DSPP: variants seen among roughly 807,000 people sequenced by gnomAD.
DSPP encodes the protein deafness, autosomal dominant 39.
DSPP carries 28 observed loss-of-function variants against 29.1 expected under a neutral mutation model. The ratio of observed to expected loss-of-function variants is 0.96; its 90% CI spans 0.71 to 1.32. DSPP has a LOEUF of 1.32. Ranked by LOEUF, DSPP falls within the 40% of genes most tolerant of loss-of-function variation. The pLI, the probability that DSPP is intolerant of heterozygous loss-of-function variation, is 0.00. For synonymous variants in DSPP, 481 were observed against 503.4 expected (o/e 0.96, Z 0.60); for missense variants, 1,281 against 1,629.9 (o/e 0.79, Z 3.69).
Position 87,614,037 on chromosome 4 carries a change from T to G in DSPP, c.1375T>G (p.Ser459Ala), listed in dbSNP as rs1727797707. ...TGACAGTTATGATTTTGATGATAAG[T>G]CCATGCAAGGAGATGATCCCAATAG... ...GYDSYDFDDK[S>A]MQGDDPNSSD... The change falls in exon 5 of 5, where the codon TCC becomes GCC. Residue 459 changes from serine (S) to alanine (A), a missense_variant. Around this residue, in one of 4 missense-constraint regions of DSPP, gnomAD observed 631 missense variants for 643.2 expected, o/e 0.98. Transcript: ENST00000651931. 3 of 1,614,188 alleles carry G rather than the reference T, an allele frequency of 1.9e-6. No homozygotes were observed. In the East Asian group the frequency reaches 6.7e-5, roughly 36 times the overall value.
rs201659235 is a variant in DSPP at position 87,616,197 on chromosome 4, A to G, written c.3535A>G (p.Asn1179Asp). ...SDSSDSSDSSNSSDSSDSSDS... is the reference protein window; with the variant it reads ...SDSSDSSDSSDSSDSSDSSDS... ...CAGCAGCGATAGCAGTGACAGCAGCAATAGCAGTGATAGCAGCGACAGCAG... is the reference window on the plus strand; with the variant it reads ...CAGCAGCGATAGCAGTGACAGCAGCGATAGCAGTGATAGCAGCGACAGCAG... Residue 1179 changes from asparagine to aspartate, a missense_variant, in exon 5 of 5, where the codon AAT becomes GAT. Asn to Asp is a conservative substitution (Grantham distance 23, BLOSUM62 1). Transcript: ENST00000651931. The G allele has an allele frequency of 1.0e-3, 1,487 of 1,419,682 alleles. 61 individuals carry two copies. Among genetic ancestry groups the G allele is most frequent in the African/African-American group, 7.9e-3 (426 of 54,098 alleles). 87.9% of individuals were successfully genotyped at this position (1,419,682 alleles called of 1,614,324 possible). A position where few individuals can be genotyped will look rare whatever the true frequency, so the allele number is the denominator to read the frequency against.
chr4:87,609,863 G>A (rs1441109616), intron 1 of DSPP, among the ~76,000 whole-genome samples: 1 of 152,250 alleles, frequency 6.6e-6, no homozygotes, highest in East Asian at 1.9e-4. Context: ...ATTATAAAAT[G>A]TCTATTCCAA....
intron 3 of DSPP, 35 bp downstream of exon 3, chr4:87,612,223 T>C (rs758992859): frequency 2.5e-6 from 4 of 1,612,826 alleles, no homozygotes; most frequent in Non-Finnish European, 3.4e-6. Context: ...TTATTTCCTA[T>C]TTCTGAGTTG....
At chr4:87,611,423 T>C (rs1391702217) in intron 2 of DSPP, among the ~76,000 whole-genome samples, 1 of 152,084 alleles carries the variant, frequency 6.6e-6, no homozygotes, top group Non-Finnish European at 1.5e-5. Flanking sequence ...TTTCAACATA[T>C]AGGAGACTAA....
rs570093430 is a variant in DSPP, at chr4:87,614,693, CAGCAGT to C, written c.2038_2043del (p.Ser680_Ser681del). On this transcript the variant is annotated inframe_deletion, in exon 5 of 5. Coordinates refer to ENST00000651931, the MANE Select transcript of DSPP (RefSeq NM_014208.3). ...GTGACAGCAGTGATAGCAGTGACAG[CAGCAGT>C]AGCAGTGACAGCAGCAACAGCAGTG... 2,219 of 1,544,674 alleles carry C rather than the reference CAGCAGT, an allele frequency of 1.4e-3. 27 individuals carry two copies. In the African/African-American group the frequency reaches 0.027, roughly 19 times the overall value.
rs1393944519 is a variant in DSPP at position 87,616,305 on chromosome 4, G to A, written c.3643G>A (p.Asp1215Asn). The change falls in exon 5 of 5, where the codon GAC becomes AAC. Residue 1215 changes from aspartate (D) to asparagine (N), a missense_variant. This residue lies in a region of DSPP where 134 missense variants were observed against 185.0 expected (regional missense o/e 0.72). Coordinates refer to ENST00000651931, the MANE Select transcript of DSPP (RefSeq NM_014208.3). ...SDSSDSSDSS[D>N]SSDSSDSSDS... is the part of the protein sequence containing the mutation. ...TAGCAGTGACAGCAGTGACAGCAGC[G>A]ACAGCAGTGACAGCAGCGACAGCAG... The A allele has an allele frequency of 3.6e-5, 54 of 1,499,402 alleles. No homozygotes were observed. The highest frequency in any genetic ancestry group is 8.4e-5 in the Admixed American group (4 of 47,834). 92.9% of individuals were successfully genotyped at this position (1,499,402 alleles called of 1,614,324 possible).
In DSPP at chr4:87,614,124, C is replaced by T. The variant is rs770036525; in HGVS notation, c.1462C>T (p.Arg488Ter). 10 of 1,614,072 alleles carry T rather than the reference C, an allele frequency of 6.2e-6. No individual in the cohort carries two copies. Among genetic ancestry groups the T allele is most frequent in the Non-Finnish European group, 5.9e-6 (7 of 1,180,002 alleles). Residue 488 changes from arginine (R) to a stop codon, truncating the protein, a stop_gained, in exon 5 of 5, where the codon CGA (arginine) becomes TGA (stop). Coordinates refer to ENST00000651931, the MANE Select transcript of DSPP (RefSeq NM_014208.3). LOFTEE classifies it low-confidence loss of function (END_TRUNC). ...AGAAAGTGACAATAACAGCAGTAGC[C>T]GAGGAGATGCTTCTTATAACTCTGA... ...NSESDNNSSS[R>*]GDASYNSDES...
In DSPP at chr4:87,612,207, T is replaced by G. The variant is rs1219887143; in HGVS notation, c.135+19T>G. The G allele has an allele frequency of 1.9e-6, 3 of 1,613,406 alleles. No individual in the cohort carries two copies. The highest frequency in any genetic ancestry group is 1.7e-6 in the Non-Finnish European group (2 of 1,179,564). On this transcript the variant is annotated intron_variant, in intron 3 of 4. Transcript: ENST00000651931. ...AGTACAGGTATAGGATGTAATATAT[T>G]TCATTTTATTTCCTATTTCTGAGTT...
At chr4:87,611,000 CT>C in intron 2 of DSPP, 41 bp downstream of exon 2, 1 of 1,537,886 alleles carries the variant, frequency 6.5e-7, no homozygotes, top group Non-Finnish European at 9.0e-7. Context: ...ACTTTGTTAT[CT>C]TTTTTAACCT....
intron 2 of DSPP, 72 bp downstream of exon 2, chr4:87,611,031 G>GTGTA: frequency 5.8e-6 from 2 of 345,368 alleles, no homozygotes; most frequent in South Asian, 6.2e-5. Flanking sequence ...ACAAAATGTA[G>GTGTA]TGTGTGTGTG....
chr4:87,614,203 A>G lies in DSPP; in HGVS notation c.1541A>G (p.Asp514Gly). The change falls in exon 5 of 5, where the codon GAC (aspartate) becomes GGC (glycine). Residue 514 changes from aspartate to glycine, a missense_variant. Around this residue, in one of 4 missense-constraint regions of DSPP, gnomAD observed 631 missense variants for 643.2 expected, o/e 0.98. Coordinates refer to ENST00000651931, the MANE Select transcript of DSPP (RefSeq NM_014208.3). ...GSDSKGAEDD[D>G]SDSTSDTNNS... Reference sequence around the variant, plus strand: ...GACTCAAAAGGAGCAGAAGATGATGACAGTGATAGCACATCAGACACTAAT... The same window carrying G: ...GACTCAAAAGGAGCAGAAGATGATGGCAGTGATAGCACATCAGACACTAAT... 1 of 1,614,256 alleles carries G rather than the reference A, an allele frequency of 6.2e-7. No homozygotes were observed. The highest frequency in any genetic ancestry group is 1.1e-5 in the South Asian group (1 of 91,090).
chr4:87,612,911 C>A lies in DSPP; in HGVS notation c.725C>A (p.Ser242Tyr). ...GGAGAAGATGCTGGCCTGGATAATT[C>A]CGATGGGAGTCCTAGTGGGAATGGA... ...GTGEDAGLDNSDGSPSGNGAD... is the reference protein window; with the variant it reads ...GTGEDAGLDNYDGSPSGNGAD... Residue 242 changes from serine (S) to tyrosine (Y), a missense_variant, in exon 4 of 5, where the codon TCC (serine) becomes TAC (tyrosine). By Grantham distance (144) the Ser-to-Tyr change is moderately radical. Around this residue, in one of 4 missense-constraint regions of DSPP, gnomAD observed 631 missense variants for 643.2 expected, o/e 0.98. Transcript: ENST00000651931. The A allele has an allele frequency of 6.2e-7, 1 of 1,614,000 alleles. No homozygotes were observed. Among genetic ancestry groups the A allele is most frequent in the Non-Finnish European group, 8.5e-7 (1 of 1,180,004 alleles).
At position 87,616,581 on chromosome 4, in the gene DSPP, A is replaced by G. The variant is rs767221804; in HGVS notation, c.*13A>G. ...CAGTGATGATTAGAACAAAAGAAAA[A>G]CCCGTAAGATTCCTTTTGTGAAAAG... On this transcript the variant is annotated 3_prime_UTR_variant, in exon 5 of 5. Transcript: ENST00000651931. 3 of 1,551,740 alleles carry G rather than the reference A, an allele frequency of 1.9e-6. No homozygotes were observed. In the South Asian group the frequency reaches 3.6e-5, roughly 18 times the overall value.
Position 87,616,497 on chromosome 4 carries a change from A to T in DSPP, c.3835A>T (p.Asn1279Tyr). ...CAGCCAGAGCAAGTCTGGTAACGGT[A>T]ACAACAATGGAAGTGACAGTGACAG... ...SDSQSKSGNGNNNGSDSDSDS... is the reference protein window; with the variant it reads ...SDSQSKSGNGYNNGSDSDSDS... The change falls in exon 5 of 5, where the codon AAC becomes TAC. Residue 1279 changes from asparagine (N) to tyrosine (Y), a missense_variant. This residue lies in a region of DSPP where 134 missense variants were observed against 185.0 expected (regional missense o/e 0.72). Transcript: ENST00000651931. 6.4e-7 allele frequency: 1 copy of T among 1,551,794 alleles called. No individual in the cohort carries two copies. The highest frequency in any genetic ancestry group is 8.7e-7 in the Non-Finnish European group (1 of 1,147,000).
Position 87,613,990 on chromosome 4 carries a change from G to T in DSPP, c.1328G>T (p.Ser443Ile). The stretch of plus-strand genomic sequence containing the variant: ...AAAGTTGGACACAGCAATACAGGTA[G>T]TGACAGCAATAGTGATGGATATGAC... Reference protein sequence around the residue: ...GNKVGHSNTGSDSNSDGYDSY... With the variant: ...GNKVGHSNTGIDSNSDGYDSY... The change falls in exon 5 of 5, where the codon AGT becomes ATT. Residue 443 changes from serine (S) to isoleucine (I), a missense_variant. Physicochemically the swap from Ser to Ile is moderately radical, Grantham distance 142 (BLOSUM62 -2). Around this residue, in one of 4 missense-constraint regions of DSPP, gnomAD observed 631 missense variants for 643.2 expected, o/e 0.98. Transcript: ENST00000651931. 6.2e-7 allele frequency: 1 copy of T among 1,614,232 alleles called. No individual in the cohort carries two copies. The highest frequency in any genetic ancestry group is 1.1e-5 in the South Asian group (1 of 91,088).
rs1387687045 is a variant in DSPP at position 87,614,921 on chromosome 4, T to C, written c.2259T>C (p.Ser753=). The C allele has an allele frequency of 2.6e-6, 4 of 1,546,708 alleles. No individual in the cohort carries two copies. The highest frequency in any genetic ancestry group is 3.5e-6 in the Non-Finnish European group (4 of 1,145,550). ...SSDSSDSSNS[S]DSSDSSDSSN... is the part of the protein sequence containing the mutation. ...ATAGCAGTGACAGCAGCAACAGCAG[T>C]GACAGTAGCGATAGCAGTGACAGCA... Residue 753 remains serine, a synonymous_variant, in exon 5 of 5, where the codon AGT becomes AGC. Transcript: ENST00000651931.
At position 87,612,621 on chromosome 4, in the gene DSPP, T is replaced by C. The variant is rs757217649; in HGVS notation, c.435T>C (p.Asn145=). The change falls in exon 4 of 5, where the codon AAT becomes AAC. Residue 145 remains asparagine (N), a synonymous_variant. Transcript: ENST00000651931. ...GIQGQVSIID[N]AGATNRSNTN... is the part of the protein sequence containing the mutation. ...AGGGACAAGTAAGCATCATTGACAA[T>C]GCTGGAGCCACAAACAGAAGCAACA... is the stretch of plus-strand genomic sequence containing the variant. 8 of 1,613,960 alleles carry C rather than the reference T, an allele frequency of 5.0e-6. No homozygotes were observed. The Admixed American group carries it at 6.7e-5, about 13-fold the overall frequency.
intron 2 of DSPP, 32 bp downstream of exon 2, chr4:87,610,991 C>T (rs767281732): frequency 6.3e-7 from 1 of 1,594,750 alleles, no homozygotes; most frequent in Non-Finnish European, 8.6e-7. Flanking sequence ...AACCTCTTCA[C>T]TTTGTTATCT....
Position 87,615,189 on chromosome 4 carries a change from G to T in DSPP, c.2527G>T (p.Asp843Tyr). 1 of 1,511,982 alleles carries T rather than the reference G, an allele frequency of 6.6e-7. No individual in the cohort carries two copies. Among genetic ancestry groups the T allele is most frequent in the South Asian group, 1.2e-5 (1 of 80,426 alleles). The allele number at this position is 1,511,982 out of a possible 1,614,324, so 93.7% of individuals were successfully genotyped here. ...TAGCAGCAACAGCAGTGATAGCAGC[G>T]ACAGCAGCGATAGCAGTGACGGCAG... ...SDSSNSSDSS[D>Y]SSDSSDGSDS... Residue 843 changes from aspartate to tyrosine, a missense_variant, in exon 5 of 5, where the codon GAC (aspartate) becomes TAC (tyrosine). This residue lies in a region of DSPP where 444 missense variants were observed against 611.4 expected (regional missense o/e 0.73). Transcript: ENST00000651931.
Sources: allele counts gnomAD v4.1 joint callset (sites outside exome capture counted in the v4.1 genomes callset), GRCh38; gene constraint gnomAD v4.1.1; regional missense constraint gnomAD v4.1.1; transcripts MANE v1.5; gene names NCBI Gene and HGNC (gene_info 2026-07-23, HGNC 2026-07-21).